ATP8A2: variants seen among roughly 807,000 people sequenced by gnomAD.
ATP8A2 encodes ATPase phospholipid transporting 8A2.
ATP8A2 carries 100 observed loss-of-function variants against 165.6 expected under a neutral mutation model. The observed-to-expected ratio is 0.60, with a 90% CI of 0.51 to 0.71. ATP8A2 has a LOEUF of 0.71. ATP8A2 is among the 30% of genes least tolerant of loss of function. ATP8A2 has a pLI of 0.00. For missense variants in ATP8A2, 1,227 were observed against 1,479.5 expected (o/e 0.83, Z 2.80); for synonymous variants, 543 against 548.8 (o/e 0.99, Z 0.15).
chr13:25,784,448 A>G (rs2044970397), intron 27 of ATP8A2, among the ~76,000 whole-genome samples: 1 of 152,218 alleles, frequency 6.6e-6, no homozygotes, highest in Non-Finnish European at 1.5e-5. Flanking sequence ...TCTTGCATTC[A>G]GAGACAGCAC....
chr13:25,829,367 C>T (rs895969285), intron 28 of ATP8A2, among the ~76,000 whole-genome samples: 4 of 151,940 alleles, frequency 2.6e-5, no homozygotes, highest in Non-Finnish European at 5.9e-5. Flanking sequence ...CCATTCCCTC[C>T]TGTGCTAAAA....
rs1180874960 is a variant in ATP8A2, at chr13:25,532,233, C to T, written c.421-39C>T. On this transcript the variant is annotated intron_variant, in intron 4 of 36. Transcript: ENST00000381655. ...TGCTATTTCAATTATTCATGTGGAA[C>T]TTTTGAATGTTAAACTATTTTTTTT... 12 of 1,538,610 alleles carry T rather than the reference C, an allele frequency of 7.8e-6. No individual in the cohort carries two copies. The East Asian group carries it at 2.0e-4, about 26-fold the overall frequency.
chr13:25,900,726 A>G (rs1014087054), intron 33 of ATP8A2, among the ~76,000 whole-genome samples: 2 of 152,038 alleles, frequency 1.3e-5, no homozygotes, highest in African/African-American at 4.8e-5. Context: ...GGGGCTTAAG[A>G]TTTTATTTTT....
intron 25 of ATP8A2, among the ~76,000 whole-genome samples, chr13:25,765,192 T>A (rs148167205): frequency 6.6e-6 from 1 of 152,388 alleles, no homozygotes; most frequent in East Asian, 1.9e-4. Context: ...GAATCTATTA[T>A]GTTATCCAAA....
chr13:25,937,848 CAAAAAAAAAAA>C (rs57258286), intron 33 of ATP8A2, among the ~76,000 whole-genome samples: 1 of 83,558 alleles, frequency 1.2e-5, no homozygotes, highest in Non-Finnish European at 2.2e-5. Flanking sequence ...GACTCCGTCT[CAAAAAAAAAAA>C]AAAAAAAAAA....
intron 24 of ATP8A2, among the ~76,000 whole-genome samples, chr13:25,620,460 A>G (rs1343241599): frequency 6.6e-6 from 1 of 152,182 alleles, no homozygotes; most frequent in Non-Finnish European, 1.5e-5. Context: ...GGAAATTTTA[A>G]AGGTTGCATG....
chr13:25,698,418 A>G (rs987397433), intron 24 of ATP8A2, among the ~76,000 whole-genome samples: 1 of 152,024 alleles, frequency 6.6e-6, no homozygotes, highest in Admixed American at 6.6e-5. Context: ...TTTTTCGTAG[A>G]GACGGGGTTT....
chr13:25,392,474 C>T (rs2033281886), intron 1 of ATP8A2, among the ~76,000 whole-genome samples: 1 of 152,190 alleles, frequency 6.6e-6, no homozygotes, highest in Non-Finnish European at 1.5e-5. Context: ...ATTAACTTCC[C>T]TCTTTGCTCC....
chr13:25,450,418 T>G (rs2035181871), intron 1 of ATP8A2, among the ~76,000 whole-genome samples: 1 of 152,250 alleles, frequency 6.6e-6, no homozygotes, highest in African/African-American at 2.4e-5. Flanking sequence ...CCACAATGGC[T>G]GAACTAATTT....
chr13:25,637,208 A>C (rs943246803), intron 24 of ATP8A2, among the ~76,000 whole-genome samples: 1 of 151,384 alleles, frequency 6.6e-6, no homozygotes, highest in African/African-American at 2.4e-5. Context: ...TGATATCTGC[A>C]TTTCCAACTG....
intron 35 of ATP8A2, among the ~76,000 whole-genome samples, chr13:25,987,710 G>T (rs947467378): frequency 6.6e-6 from 1 of 152,202 alleles, no homozygotes; most frequent in African/African-American, 2.4e-5. Flanking sequence ...CAGGTGATAG[G>T]CCTGGTTCTT....
intron 1 of ATP8A2, among the ~76,000 whole-genome samples, chr13:25,446,086 C>A (rs547879567): frequency 3.9e-5 from 6 of 152,108 alleles, no homozygotes; most frequent in Admixed American, 3.3e-4. Context: ...ATCCATAGAG[C>A]GCTGTAAGTG....
At chr13:25,497,825 G>A (rs575135865) in intron 2 of ATP8A2, among the ~76,000 whole-genome samples, 47 of 152,136 alleles carry the variant, frequency 3.1e-4, no homozygotes, top group African/African-American at 1.1e-3. Flanking sequence ...AGCTGGGTGT[G>A]GGGGCAGGCA....
At chr13:25,620,939 C>T (rs2137454803) in intron 24 of ATP8A2, among the ~76,000 whole-genome samples, 1 of 152,178 alleles carries the variant, frequency 6.6e-6, no homozygotes, top group South Asian at 2.1e-4. Flanking sequence ...ATAAGAAAAA[C>T]CTCAACAGAT....
intron 2 of ATP8A2, among the ~76,000 whole-genome samples, chr13:25,511,391 T>G (rs1168251437): frequency 6.6e-6 from 1 of 152,208 alleles, no homozygotes; most frequent in East Asian, 1.9e-4. Flanking sequence ...GGCTGCCCTG[T>G]AGATGTGTTG....
chr13:25,972,856 CTT>C (rs890541026), intron 35 of ATP8A2, among the ~76,000 whole-genome samples: 5 of 151,960 alleles, frequency 3.3e-5, no homozygotes, highest in African/African-American at 9.7e-5. Context: ...AGATGACAGA[CTT>C]TTGTTCCTTA....
At chr13:25,595,077 A>G (rs372340372) in intron 24 of ATP8A2, among the ~76,000 whole-genome samples, 4 of 151,504 alleles carry the variant, frequency 2.6e-5, no homozygotes, top group East Asian at 3.9e-4. Flanking sequence ...AAAGGAATGA[A>G]TTAATGGCAT....
At chr13:26,002,386 G>C (rs970090408) in intron 35 of ATP8A2, among the ~76,000 whole-genome samples, 3 of 151,764 alleles carry the variant, frequency 2.0e-5, no homozygotes, top group African/African-American at 7.3e-5. Flanking sequence ...TGGACACGGT[G>C]GGGGAACATC....
At chr13:25,514,374 C>CT (rs1251818976) in intron 2 of ATP8A2, among the ~76,000 whole-genome samples, 2 of 152,100 alleles carry the variant, frequency 1.3e-5, no homozygotes, top group African/African-American at 4.8e-5. Context: ...TTTAAAATCT[C>CT]TTTTTTGTGG....
Sources: allele counts gnomAD v4.1 joint callset (sites outside exome capture counted in the v4.1 genomes callset), GRCh38; gene constraint gnomAD v4.1.1; transcripts MANE v1.5; gene names NCBI Gene and HGNC (gene_info 2026-07-23, HGNC 2026-07-21).